The following FKBP3 variants were observed in gnomAD, a reference collection of about 807,000 sequenced individuals.
FKBP3 encodes peptidyl-prolyl cis-trans isomerase FKBP3.
In FKBP3, 21 loss-of-function variants were observed where a neutral mutation model predicts 30.6. The observed-to-expected ratio is 0.69, with a 90% confidence interval of 0.49 to 0.99. The LOEUF is 0.99. FKBP3 is among the 50% of genes least tolerant of loss of function. FKBP3 has a pLI of 0.00. For synonymous variants in FKBP3, 82 were observed against 91.3 expected (o/e 0.90, Z 0.58); for missense variants, 283 against 261.6 (o/e 1.08, Z -0.56).
chr14:45,125,787 C>T (rs1885082660), intron 3 of FKBP3, among the ~76,000 whole-genome samples: 1 of 151,234 alleles, frequency 6.6e-6, no homozygotes, highest in Non-Finnish European at 1.5e-5. Context: ...AAAGGGAGCA[C>T]AGAAGTGACA....
chr14:45,128,500 T>C (rs1032068599), intron 3 of FKBP3, among the ~76,000 whole-genome samples: 3 of 152,218 alleles, frequency 2.0e-5, no homozygotes, highest in African/African-American at 7.2e-5. Flanking sequence ...TTGGCTAATA[T>C]TAAGCATGAA....
At chr14:45,133,392 G>A (rs1172095798) in intron 1 of FKBP3, 8 of 245,302 alleles carry the variant, frequency 3.3e-5, no homozygotes, top group South Asian at 6.5e-5. Context: ...GTTTGAACCC[G>A]GGAGGCGGAG....
chr14:45,125,337 G>T (rs561895258), intron 3 of FKBP3, among the ~76,000 whole-genome samples: 1 of 152,226 alleles, frequency 6.6e-6, no homozygotes, highest in African/African-American at 2.4e-5. Context: ...TTAGACCAGG[G>T]TGCTAACAGT....
chr14:45,124,310 C>T (rs1057242555), intron 3 of FKBP3, among the ~76,000 whole-genome samples: 1 of 152,132 alleles, frequency 6.6e-6, no homozygotes, highest in Non-Finnish European at 1.5e-5. Flanking sequence ...AAGGGTTGAT[C>T]ACCTGAGGTC....
chr14:45,121,982 C>G (rs1884994872), intron 3 of FKBP3, among the ~76,000 whole-genome samples: 1 of 152,176 alleles, frequency 6.6e-6, no homozygotes, highest in Non-Finnish European at 1.5e-5. Context: ...GGGATGGTGA[C>G]TTCCCCCCCA....
chr14:45,119,187 T>C (rs1158792899), intron 5 of FKBP3, among the ~76,000 whole-genome samples: 2 of 152,324 alleles, frequency 1.3e-5, no homozygotes, highest in East Asian at 3.9e-4. Flanking sequence ...AAAGGGATAA[T>C]ATTCCTAATA....
At position 45,115,957 on chromosome 14, in the gene FKBP3, A is replaced by G; in HGVS notation, c.*241T>C. 1 of 441,626 alleles carries G rather than the reference A, an allele frequency of 2.3e-6. No individual in the cohort carries two copies. Among genetic ancestry groups the G allele is most frequent in the Non-Finnish European group, 4.2e-6 (1 of 240,838 alleles). The allele number at this position is 441,626 out of a possible 1,614,324, so 27.4% of individuals were successfully genotyped here. A position where few individuals can be genotyped will look rare whatever the true frequency, so the allele number is the denominator to read the frequency against. ...ACTTAAGTTTACAACATGAGGTAAAAGGAAAAAGTTCTCCTTGACCAGTAT... is the reference window on the plus strand; with the variant it reads ...ACTTAAGTTTACAACATGAGGTAAAGGGAAAAAGTTCTCCTTGACCAGTAT... On this transcript the variant is annotated 3_prime_UTR_variant, in exon 7 of 7. Coordinates refer to ENST00000396062, the MANE Select transcript of FKBP3 (RefSeq NM_002013.4).
chr14:45,118,315 A>G (rs1206015933), intron 5 of FKBP3, among the ~76,000 whole-genome samples, 190 bp from the exon 6 acceptor site: 2 of 152,170 alleles, frequency 1.3e-5, no homozygotes, highest in Non-Finnish European at 2.9e-5. Flanking sequence ...TAGAAAAAAA[A>G]GGGTATTTTA....
intron 3 of FKBP3, among the ~76,000 whole-genome samples, chr14:45,128,587 A>G (rs1411723555): frequency 6.8e-6 from 1 of 147,704 alleles, no homozygotes; most frequent in African/African-American, 2.4e-5. Context: ...GCATGAAGAC[A>G]GAGAGTAGAC....
intron 2 of FKBP3, 146 bp from the exon 3 acceptor site, chr14:45,130,047 C>T (rs567660506): frequency 9.4e-5 from 42 of 447,650 alleles, no homozygotes; most frequent in African/African-American, 4.9e-4. Flanking sequence ...TCTAAGGAAA[C>T]GAAGAGCAAA....
chr14:45,128,644 C>T (rs775741141), intron 3 of FKBP3, among the ~76,000 whole-genome samples: 2 of 152,160 alleles, frequency 1.3e-5, no homozygotes, highest in East Asian at 1.9e-4. Context: ...GAATGTAGGA[C>T]GCTAGGAAAA....
At chr14:45,121,157 C>G (rs1262139193) in intron 4 of FKBP3, among the ~76,000 whole-genome samples, 1 of 152,124 alleles carries the variant, frequency 6.6e-6, no homozygotes, top group Non-Finnish European at 1.5e-5. Context: ...ACATTCTTAA[C>G]AAAGGGTAGA....
intron 4 of FKBP3, 36 bp downstream of exon 4, chr14:45,121,449 T>C (rs778157727): frequency 1.6e-5 from 26 of 1,589,806 alleles, no homozygotes; most frequent in Non-Finnish European, 2.1e-5. Flanking sequence ...TTAGAATCTC[T>C]TTAAGCCAAA....
chr14:45,129,864 T>C lies in FKBP3; in HGVS notation c.248A>G (p.Glu83Gly), dbSNP rs748184229. 8.7e-6 allele frequency: 14 copies of C among 1,613,016 alleles called. No individual in the cohort carries two copies. Among genetic ancestry groups the C allele is most frequent in the Admixed American group, 1.7e-5 (1 of 59,978 alleles). The change falls in exon 3 of 7, where the codon GAG becomes GGG. Residue 83 changes from glutamate (E) to glycine (G), a missense_variant. Coordinates refer to ENST00000396062, the MANE Select transcript of FKBP3 (RefSeq NM_002013.4). The part of the protein sequence containing the change: ...KGTESISKVS[E>G]QVKNVKLNED... Reference sequence around the variant, plus strand: ...ATTAAGCTTCACATTTTTTACTTGCTCAGACACTTTACTTATACTTTCAGT... The same window carrying C: ...ATTAAGCTTCACATTTTTTACTTGCCCAGACACTTTACTTATACTTTCAGT...
intron 2 of FKBP3, 23 bp from the exon 3 acceptor site, chr14:45,129,924 T>A: frequency 6.6e-7 from 1 of 1,521,422 alleles, no homozygotes; most frequent in Non-Finnish European, 9.1e-7. Context: ...TGTTGTAACA[T>A]CATACCCAGG....
chr14:45,129,892 C>T lies in FKBP3; in HGVS notation c.220G>A (p.Gly74Ser). The change falls in exon 3 of 7, where the codon GGT becomes AGT. Residue 74 changes from glycine (G) to serine (S), a missense_variant. By Grantham distance (56) the Gly-to-Ser change is moderately conservative. Transcript: ENST00000396062. The part of the protein sequence containing the change: ...NHLFETKRFK[G>S]TESISKVSEQ... ...GACACTTTACTTATACTTTCAGTAC[C>T]CTTAAAACGCTGTAAGGAAAATGTT... 2 of 1,606,498 alleles carry T rather than the reference C, an allele frequency of 1.2e-6. No homozygotes were observed. The highest frequency in any genetic ancestry group is 1.7e-6 in the Non-Finnish European group (2 of 1,175,244).
chr14:45,134,330 G>A lies in FKBP3; in HGVS notation c.108+19C>T, dbSNP rs757697121. On this transcript the variant is annotated intron_variant, in intron 1 of 6. Transcript: ENST00000396062. The stretch of plus-strand genomic sequence containing the variant: ...GTCCCTCAGCCGCACCAGCCCGGCC[G>A]CCCCTACGCCTCTGGTACCGAATCT... 4.0e-5 allele frequency: 64 copies of A among 1,587,164 alleles called. No homozygotes were observed. Among genetic ancestry groups the A allele is most frequent in the Non-Finnish European group, 4.9e-5 (57 of 1,156,886 alleles).
At chr14:45,130,571 T>A in intron 2 of FKBP3, 128 bp downstream of exon 2, 1 of 544,534 alleles carries the variant, frequency 1.8e-6, no homozygotes, top group South Asian at 2.8e-5. Flanking sequence ...CCACTTATGA[T>A]AACAGTTCAG....
intron 4 of FKBP3, 137 bp from the exon 5 acceptor site, chr14:45,121,091 A>G (rs1884975027): frequency 1.4e-6 from 1 of 725,264 alleles, no homozygotes; most frequent in East Asian, 2.7e-5. Flanking sequence ...ATTTTAAAAG[A>G]AGGAAAAAAT....
Sources: allele counts gnomAD v4.1 joint callset (sites outside exome capture counted in the v4.1 genomes callset), GRCh38; gene constraint gnomAD v4.1.1; transcripts MANE v1.5; gene names NCBI Gene and HGNC (gene_info 2026-07-23, HGNC 2026-07-21).